Variants in PDE8A observed in about 807,000 individuals in gnomAD.
PDE8A encodes high affinity cAMP-specific and IBMX-insensitive 3',5'-cyclic phosphodiesterase 8A.
Under a neutral mutation model 105.0 loss-of-function variants are expected in PDE8A, and 59 were observed. The ratio of observed to expected loss-of-function variants is 0.56; its 90% confidence interval spans 0.46 to 0.70. PDE8A has a LOEUF of 0.70. Among genes scored for constraint, PDE8A ranks in the 30% least tolerant of loss-of-function variants. The pLI, the probability that PDE8A is intolerant of heterozygous loss-of-function variation, is 0.00. For missense variants in PDE8A, 1,014 were observed against 1,045.9 expected (o/e 0.97, Z 0.42); for synonymous variants, 355 against 371.9 (o/e 0.95, Z 0.52).
intron 18 of PDE8A, among the ~76,000 whole-genome samples, chr15:85,121,679 T>C (rs2082185069): frequency 6.6e-6 from 1 of 152,056 alleles, no homozygotes; most frequent in Non-Finnish European, 1.5e-5. Flanking sequence ...TCATAGTGGT[T>C]TTAGTATATT....
chr15:85,021,622 C>CA (rs1220842051), intron 1 of PDE8A, among the ~76,000 whole-genome samples: 2 of 151,992 alleles, frequency 1.3e-5, no homozygotes, highest in African/African-American at 4.8e-5. Flanking sequence ...ACTAAGACAA[C>CA]AGCAGAAGAA....
chr15:85,109,508 G>A (rs1567291885), intron 12 of PDE8A, among the ~76,000 whole-genome samples: 1 of 152,302 alleles, frequency 6.6e-6, no homozygotes, highest in East Asian at 1.9e-4. Flanking sequence ...AGGTGAGCTC[G>A]ATTTTGGAAT....
intron 1 of PDE8A, among the ~76,000 whole-genome samples, chr15:84,985,048 T>A (rs2079780142): frequency 6.6e-6 from 1 of 152,214 alleles, no homozygotes; most frequent in Non-Finnish European, 1.5e-5. Flanking sequence ...ACCTAATTTC[T>A]GAAAGTAATC....
At chr15:85,119,070 C>G (rs2082139679) in intron 17 of PDE8A, among the ~76,000 whole-genome samples, 1 of 152,156 alleles carries the variant, frequency 6.6e-6, no homozygotes, top group South Asian at 2.1e-4. Context: ...AGAGGGACAT[C>G]TGTGTCAATA....
At chr15:85,058,040 G>A (rs894990609) in intron 1 of PDE8A, among the ~76,000 whole-genome samples, 1 of 152,060 alleles carries the variant, frequency 6.6e-6, no homozygotes, top group Non-Finnish European at 1.5e-5. Flanking sequence ...TTGTTTTTGA[G>A]ATAGAGTCTC....
chr15:85,030,562 G>T (rs538425117), intron 1 of PDE8A, among the ~76,000 whole-genome samples: 6 of 152,276 alleles, frequency 3.9e-5, no homozygotes, highest in South Asian at 4.1e-4. Flanking sequence ...CTGCAGCACT[G>T]TTAATTGATG....
At position 85,062,545 on chromosome 15, in the gene PDE8A, G is replaced by A. The variant is rs371914737; in HGVS notation, c.187-1825G>A. ...GAATGGCTTGCAACAATGGGAGAAA[G>A]TGCAACAATGCACCCCTTCTTTGTC... On this transcript the variant is annotated intron_variant, in intron 1 of 21. Coordinates refer to ENST00000394553, the MANE Select transcript of PDE8A (RefSeq NM_002605.3). 7 of 152,246 alleles carry A rather than the reference G, an allele frequency of 4.6e-5. No homozygotes were observed. In the East Asian group the frequency reaches 7.7e-4, roughly 17 times the overall value. 9.4% of individuals were successfully genotyped at this position (152,246 alleles called of 1,614,324 possible).
intron 1 of PDE8A, among the ~76,000 whole-genome samples, chr15:85,057,299 G>A (rs939888100): frequency 2.0e-5 from 3 of 152,142 alleles, no homozygotes; most frequent in African/African-American, 7.2e-5. Context: ...CTCAGATCTC[G>A]AACTCCGTGC....
chr15:85,068,935 G>A (rs1213705908), intron 3 of PDE8A, among the ~76,000 whole-genome samples: 6 of 152,288 alleles, frequency 3.9e-5, no homozygotes, highest in South Asian at 2.1e-4. Flanking sequence ...TTTAAGGGAA[G>A]AAAATGTACT....
rs995001811 is a variant in PDE8A at position 84,982,053 on chromosome 15, C to A, written c.-110C>A. The A allele has an allele frequency of 1.8e-6, 1 of 549,720 alleles. No individual in the cohort carries two copies. The highest frequency in any genetic ancestry group is 2.6e-6 in the Non-Finnish European group (1 of 382,286). The allele number at this position is 549,720 out of a possible 1,614,324, so 34.1% of individuals were successfully genotyped here. A position where few individuals can be genotyped will look rare whatever the true frequency, so the allele number is the denominator to read the frequency against. On this transcript the variant is annotated 5_prime_UTR_variant, in exon 1 of 22. Coordinates refer to ENST00000394553, the MANE Select transcript of PDE8A (RefSeq NM_002605.3). ...CGCGAGATCCGCGCTCGCCGCCGCC[C>A]GCCCAGGCGGCGATGACACGGCGCC...
intron 2 of PDE8A, 73 bp from the exon 3 acceptor site, chr15:85,066,941 G>T: frequency 8.5e-7 from 1 of 1,172,830 alleles, no homozygotes; most frequent in Non-Finnish European, 1.2e-6. Context: ...TCTGTCTCAA[G>T]AAAAAAAAAG....
At chr15:85,064,319 C>G in intron 1 of PDE8A, 51 bp from the exon 2 acceptor site, 1 of 1,369,408 alleles carries the variant, frequency 7.3e-7, no homozygotes, top group Non-Finnish European at 1.0e-6. Context: ...AAAAGTTAAG[C>G]TTCTCTTTCT....
At chr15:85,047,473 C>G (rs1389472026) in intron 1 of PDE8A, among the ~76,000 whole-genome samples, 4 of 152,072 alleles carry the variant, frequency 2.6e-5, no homozygotes, top group Non-Finnish European at 5.9e-5. Flanking sequence ...CGGATATACC[C>G]CGTAGACAGG....
rs1191311190 is a variant in PDE8A at position 84,982,062 on chromosome 15, G to C, written c.-101G>C. 1.6e-6 allele frequency: 1 copy of C among 638,130 alleles called. No homozygotes were observed. The highest frequency in any genetic ancestry group is 4.3e-5 in the East Asian group (1 of 23,504). The allele number at this position is 638,130 out of a possible 1,614,324, so 39.5% of individuals were successfully genotyped here. On this transcript the variant is annotated 5_prime_UTR_variant, in exon 1 of 22. Transcript: ENST00000394553. ...CGCGCTCGCCGCCGCCCGCCCAGGCGGCGATGACACGGCGCCCGCGGCGGC... is the reference window on the plus strand; with the variant it reads ...CGCGCTCGCCGCCGCCCGCCCAGGCCGCGATGACACGGCGCCCGCGGCGGC...
At chr15:84,989,073 G>A (rs752871812) in intron 1 of PDE8A, among the ~76,000 whole-genome samples, 4 of 152,328 alleles carry the variant, frequency 2.6e-5, no homozygotes, top group South Asian at 2.1e-4. Context: ...CTCCAATTTT[G>A]TCTGAGTTAG....
chr15:85,095,978 C>A (rs866138094), intron 8 of PDE8A, among the ~76,000 whole-genome samples: 5 of 151,722 alleles, frequency 3.3e-5, no homozygotes, highest in Non-Finnish European at 7.4e-5. Context: ...TAGGTTCAAG[C>A]GATTCTCCTG....
rs57124766 is a variant in PDE8A at position 85,066,583 on chromosome 15, A to AACACACACACAC, written c.244-383_244-372dup. On this transcript the variant is annotated intron_variant, in intron 2 of 21. Transcript: ENST00000394553. The stretch of plus-strand genomic sequence containing the variant: ...TGTTGCCCACCCACCATCCCCCCAA[A>AACACACACACAC]ACACACACACACACACACACACACA... Among the ~76,000 whole-genome samples, 58 of 117,008 alleles carry AACACACACACAC rather than the reference A, an allele frequency of 5.0e-4. 2 individuals carry two copies. Among genetic ancestry groups the AACACACACACAC allele is most frequent in the African/African-American group, 6.5e-4 (21 of 32,324 alleles). 76.8% of individuals were successfully genotyped at this position (117,008 alleles called of 152,430 possible). A position where few individuals can be genotyped will look rare whatever the true frequency, so the allele number is the denominator to read the frequency against.
intron 1 of PDE8A, among the ~76,000 whole-genome samples, chr15:85,005,833 T>A (rs1338611549): frequency 1.4e-5 from 2 of 148,028 alleles, no homozygotes; most frequent in Admixed American, 6.7e-5. Context: ...ATAATAAGTT[T>A]AAAAAAAAAA....
chr15:85,011,699 A>T (rs1266875223), intron 1 of PDE8A, among the ~76,000 whole-genome samples: 1 of 152,224 alleles, frequency 6.6e-6, no homozygotes, highest in Non-Finnish European at 1.5e-5. Flanking sequence ...GACACATGGG[A>T]TCTAATTAAA....
Sources: allele counts gnomAD v4.1 joint callset (sites outside exome capture counted in the v4.1 genomes callset), GRCh38; gene constraint gnomAD v4.1.1; transcripts MANE v1.5; gene names NCBI Gene and HGNC (gene_info 2026-07-23, HGNC 2026-07-21).